The following TAFA1 variants were observed in gnomAD, a reference collection of about 807,000 sequenced individuals.
TAFA1 encodes TAFA chemokine like family member 1.
In TAFA1, 4 loss-of-function variants were observed where a neutral mutation model predicts 18.5. The observed-to-expected ratio is 0.22, with a 90% CI of 0.11 to 0.49. The LOEUF (loss-of-function observed/expected upper bound fraction) is 0.49, where lower values mean the gene tolerates loss of function less well. Among genes scored for constraint, TAFA1 ranks in the 20% least tolerant of loss-of-function variants. The pLI, the probability that TAFA1 is intolerant of heterozygous loss-of-function variation, is 0.98. For synonymous variants in TAFA1, 56 were observed against 55.2 expected, an observed-to-expected ratio of 1.01 and a Z score of -0.06; for missense variants, 147 against 169.0, an observed-to-expected ratio of 0.87 and a Z score of 0.72.
chr3:68,359,566 C>A (rs996237991), intron 2 of TAFA1, among the ~76,000 whole-genome samples: 3 of 152,042 alleles, frequency 2.0e-5, no homozygotes, highest in African/African-American at 7.2e-5. Context: ...GGAATGTGGG[C>A]AGTCTCTAAA....
intron 2 of TAFA1, among the ~76,000 whole-genome samples, chr3:68,367,053 T>G (rs568793395): frequency 8.5e-5 from 13 of 152,172 alleles, no homozygotes; most frequent in Non-Finnish European, 1.9e-4. Flanking sequence ...GGGATCTTAT[T>G]TAAGATCATT....
intron 3 of TAFA1, among the ~76,000 whole-genome samples, chr3:68,500,839 C>A (rs889042257): frequency 1.3e-5 from 2 of 151,998 alleles, no homozygotes; most frequent in African/African-American, 2.4e-5. Flanking sequence ...CTAGATGATT[C>A]TCCAAAGGAA....
At chr3:68,145,228 G>A (rs1318734433) in intron 2 of TAFA1, 4 of 791,328 alleles carry the variant, frequency 5.1e-6, no homozygotes, top group Non-Finnish European at 9.3e-6. Context: ...GGGGAATTTG[G>A]TCAGTAGGAC....
chr3:68,262,322 TATATATATATATATATATATATATATA>T (rs2067445665), intron 2 of TAFA1, among the ~76,000 whole-genome samples: 8 of 63,018 alleles, frequency 1.3e-4, no homozygotes, highest in Non-Finnish European at 8.9e-5. Flanking sequence ...TATATATATA[TATATATATATATATATATATATATATA>T]TATATATATT....
intron 2 of TAFA1, among the ~76,000 whole-genome samples, chr3:68,348,196 G>C (rs1420820276): frequency 6.6e-6 from 1 of 152,078 alleles, no homozygotes; most frequent in African/African-American, 2.4e-5. Context: ...CTATACCTCA[G>C]TGCCATTGCC....
rs551642133 is a variant in TAFA1 at position 68,470,262 on chromosome 3, C to T, written c.259+52842C>T. Among the ~76,000 whole-genome samples the T allele has an allele frequency of 5.3e-5, 8 of 152,284 alleles. No individual in the cohort carries two copies. The South Asian group carries it at 1.7e-3, about 32-fold the overall frequency. ...ATGTGGAACTGTGAGTCAATTAAAC[C>T]TCTTTTCTTTATAAATTACCCAGTC... On this transcript the variant is annotated intron_variant, in intron 3 of 4. Transcript: ENST00000478136.
At chr3:68,034,131 C>A (rs984651685) in intron 2 of TAFA1, among the ~76,000 whole-genome samples, 1 of 152,064 alleles carries the variant, frequency 6.6e-6, no homozygotes, top group Non-Finnish European at 1.5e-5. Context: ...TGTCCATGAC[C>A]TAAATTATAG....
chr3:68,331,512 T>TA (rs1324209317), intron 2 of TAFA1, among the ~76,000 whole-genome samples: 5 of 152,210 alleles, frequency 3.3e-5, no homozygotes, highest in Admixed American at 6.5e-5. Flanking sequence ...ATAGACTTTT[T>TA]AAAAAATAAA....
chr3:68,455,208 A>G (rs1474648442), intron 3 of TAFA1, among the ~76,000 whole-genome samples: 3 of 151,908 alleles, frequency 2.0e-5, no homozygotes, highest in African/African-American at 7.2e-5. Flanking sequence ...GACTAGGCTG[A>G]GGAGGAGGAG....
At chr3:68,310,163 G>A (rs1332398439) in intron 2 of TAFA1, among the ~76,000 whole-genome samples, 5 of 152,036 alleles carry the variant, frequency 3.3e-5, no homozygotes, top group Admixed American at 3.3e-4. Context: ...AAAATTTCAT[G>A]TCTTTTTTTC....
At chr3:68,405,699 CAAAAAAA>C (rs56258198) in intron 2 of TAFA1, among the ~76,000 whole-genome samples, 727 of 32,746 alleles carry the variant, frequency 0.022, 27 homozygotes, top group Non-Finnish European at 0.034. Context: ...GACTCTATCT[CAAAAAAA>C]AAAAAAAAAA....
At chr3:68,241,098 A>T (rs1040413499) in intron 2 of TAFA1, among the ~76,000 whole-genome samples, 8 of 152,146 alleles carry the variant, frequency 5.3e-5, no homozygotes, top group Non-Finnish European at 1.2e-4. Context: ...TAAAGAATGA[A>T]TTTTTTATGT....
chr3:68,424,164 T>G (rs2071011574), intron 3 of TAFA1, among the ~76,000 whole-genome samples: 1 of 152,038 alleles, frequency 6.6e-6, no homozygotes. Context: ...TAACAGAACA[T>G]TTTGCTCCTG....
At chr3:68,414,158 T>C (rs983338035) in intron 2 of TAFA1, among the ~76,000 whole-genome samples, 6 of 151,928 alleles carry the variant, frequency 3.9e-5, no homozygotes, top group Admixed American at 2.6e-4. Context: ...TACAAAAAAA[T>C]TAGCTGGGCA....
chr3:68,241,742 A>T (rs936464027), intron 2 of TAFA1, among the ~76,000 whole-genome samples: 1 of 152,168 alleles, frequency 6.6e-6, no homozygotes, highest in Admixed American at 6.5e-5. Flanking sequence ...AGAGGAAAGG[A>T]TGTGTGGCAG....
chr3:68,408,351 G>A (rs1229559609), intron 2 of TAFA1, among the ~76,000 whole-genome samples: 1 of 152,052 alleles, frequency 6.6e-6, no homozygotes, highest in African/African-American at 2.4e-5. Flanking sequence ...ATTTCACTTA[G>A]AGTAAAAAGC....
intron 3 of TAFA1, among the ~76,000 whole-genome samples, chr3:68,499,967 T>C (rs1352312905): frequency 3.3e-5 from 5 of 151,530 alleles, no homozygotes; most frequent in East Asian, 3.9e-4. Flanking sequence ...AAGTACACGA[T>C]AATAAACCAC....
chr3:68,072,073 C>T (rs779832325), intron 2 of TAFA1, among the ~76,000 whole-genome samples: 19 of 152,120 alleles, frequency 1.2e-4, no homozygotes, highest in Non-Finnish European at 1.9e-4. Flanking sequence ...ATTAAATAGA[C>T]CAATGCCTGT....
chr3:68,263,193 T>G (rs1349318691), intron 2 of TAFA1, among the ~76,000 whole-genome samples: 1 of 152,102 alleles, frequency 6.6e-6, no homozygotes, highest in East Asian at 1.9e-4. Context: ...ATCCCTCACA[T>G]AGGGTTTTGA....
Sources: allele counts gnomAD v4.1 joint callset (sites outside exome capture counted in the v4.1 genomes callset), GRCh38; gene constraint gnomAD v4.1.1; transcripts MANE v1.5; gene names NCBI Gene and HGNC (gene_info 2026-07-23, HGNC 2026-07-21).